EPB41L4B: variants seen among roughly 807,000 people sequenced by gnomAD.
EPB41L4B encodes the protein erythrocyte membrane protein band 4.1 like 4B.
In EPB41L4B, 30 loss-of-function variants were observed where a neutral mutation model predicts 112.5. That is an observed-to-expected ratio of 0.27 (90% CI 0.20 to 0.36). The LOEUF (loss-of-function observed/expected upper bound fraction) is 0.36, where lower values mean the gene tolerates loss of function less well. Ranked by LOEUF, EPB41L4B falls within the 10% of genes least tolerant of loss-of-function variation. EPB41L4B has a pLI of 1.00. For missense variants in EPB41L4B, 1,024 were observed against 1,133.3 expected, an observed-to-expected ratio of 0.90 and a Z score of 1.38; for synonymous variants, 408 against 439.7, an observed-to-expected ratio of 0.93 and a Z score of 0.90.
intron 1 of EPB41L4B, among the ~76,000 whole-genome samples, chr9:109,316,834 G>C (rs1013321726): frequency 2.0e-5 from 3 of 152,212 alleles, no homozygotes. Flanking sequence ...AAGCGCAGTG[G>C]CTCATGCCTG....
At chr9:109,273,273 G>T (rs1275806926) in intron 2 of EPB41L4B, among the ~76,000 whole-genome samples, 2 of 151,210 alleles carry the variant, frequency 1.3e-5, no homozygotes, top group South Asian at 4.2e-4. Context: ...TCGAGACAGA[G>T]TCTCGCTCTG....
intron 24 of EPB41L4B, among the ~76,000 whole-genome samples, chr9:109,178,440 A>G (rs1005985704): frequency 1.3e-5 from 2 of 151,370 alleles, no homozygotes; most frequent in Non-Finnish European, 2.9e-5. Context: ...GGAGGCCACA[A>G]TCTTAGCTCA....
intron 1 of EPB41L4B, among the ~76,000 whole-genome samples, chr9:109,311,276 AG>A (rs1453909752): frequency 6.6e-6 from 1 of 152,234 alleles, no homozygotes; most frequent in Non-Finnish European, 1.5e-5. Flanking sequence ...GAACAGGTAG[AG>A]CAAAGGAGAT....
chr9:109,267,573 GT>G (rs760752066), intron 3 of EPB41L4B, 22 bp from the exon 4 acceptor site: 6 of 1,498,650 alleles, frequency 4.0e-6, no homozygotes, highest in Non-Finnish European at 5.6e-6. Context: ...GAGATGGAAG[GT>G]TGAAGATGTT....
intron 15 of EPB41L4B, among the ~76,000 whole-genome samples, chr9:109,234,934 A>G (rs1298749995): frequency 2.6e-5 from 4 of 152,230 alleles, no homozygotes; most frequent in African/African-American, 7.2e-5. Flanking sequence ...CTTTCCACTC[A>G]GTCTCCTGAT....
chr9:109,222,879 T>C (rs1312080039), intron 15 of EPB41L4B, among the ~76,000 whole-genome samples: 1 of 152,220 alleles, frequency 6.6e-6, no homozygotes, highest in Non-Finnish European at 1.5e-5. Flanking sequence ...GCCCTGTTAG[T>C]AAATGCAGAG....
At chr9:109,211,632 TTG>T (rs138857071) in intron 17 of EPB41L4B, among the ~76,000 whole-genome samples, 3 of 150,982 alleles carry the variant, frequency 2.0e-5, no homozygotes, top group South Asian at 2.1e-4. Flanking sequence ...GTAATATATT[TTG>T]TGTGTGTGTG....
intron 1 of EPB41L4B, among the ~76,000 whole-genome samples, chr9:109,292,702 G>A (rs1013130617): frequency 2.0e-5 from 3 of 152,142 alleles, no homozygotes; most frequent in Non-Finnish European, 4.4e-5. Context: ...TTACAAACAT[G>A]GCTGCAATTC....
At chr9:109,183,503 T>C (rs534857762) in intron 23 of EPB41L4B, among the ~76,000 whole-genome samples, 42 of 152,188 alleles carry the variant, frequency 2.8e-4, no homozygotes, top group African/African-American at 9.4e-4. Context: ...CAGGTAGTGG[T>C]GGTGAAAAAG....
chr9:109,183,000 G>A (rs1055562142), intron 23 of EPB41L4B, among the ~76,000 whole-genome samples: 2 of 152,158 alleles, frequency 1.3e-5, no homozygotes, highest in Admixed American at 1.3e-4. Context: ...TGGACTGCAG[G>A]ACGGGCCTCA....
rs548155590 is a variant in EPB41L4B, at chr9:109,186,008, A to G, written c.2302-403T>C. The stretch of plus-strand genomic sequence containing the variant: ...AGGCCAAGCCAGAAAGATAGCCAGG[A>G]TGACTTAGTGATGTGAGCCATGGAG... On this transcript the variant is annotated intron_variant, in intron 22 of 25. Coordinates refer to ENST00000374566, the MANE Select transcript of EPB41L4B (RefSeq NM_019114.5). Among the ~76,000 whole-genome samples, 107 of 152,074 alleles carry G rather than the reference A, an allele frequency of 7.0e-4. 3 individuals carry two copies. In the South Asian group the frequency reaches 0.021, roughly 30 times the overall value.
At chr9:109,282,842 CA>C (rs1426987832) in intron 1 of EPB41L4B, among the ~76,000 whole-genome samples, 1 of 152,046 alleles carries the variant, frequency 6.6e-6, no homozygotes, top group Non-Finnish European at 1.5e-5. Context: ...AGGCGTGCGC[CA>C]CCAAGCCCGG....
At chr9:109,287,138 C>T (rs939165519) in intron 1 of EPB41L4B, among the ~76,000 whole-genome samples, 8 of 152,128 alleles carry the variant, frequency 5.3e-5, no homozygotes, top group Non-Finnish European at 8.8e-5. Context: ...AAGACTGGGG[C>T]AGGCAGGCAG....
In EPB41L4B at chr9:109,297,695, G is replaced by A. The variant is rs537879623; in HGVS notation, c.307-17774C>T. Among the ~76,000 whole-genome samples, 5 of 152,306 alleles carry A rather than the reference G, an allele frequency of 3.3e-5. No individual in the cohort carries two copies. The South Asian group carries it at 6.2e-4, about 19-fold the overall frequency. On this transcript the variant is annotated intron_variant, in intron 1 of 25. Transcript: ENST00000374566. ...GTGGCAGCCCCTGGATGCTTTGCACGGTACTCCCCTGGACTGAAACTGATG... is the reference window on the plus strand; with the variant it reads ...GTGGCAGCCCCTGGATGCTTTGCACAGTACTCCCCTGGACTGAAACTGATG...
chr9:109,174,617 C>G lies in EPB41L4B; in HGVS notation c.2640G>C (p.Glu880Asp). 6.2e-7 allele frequency: 1 copy of G among 1,613,922 alleles called. No individual in the cohort carries two copies. Among genetic ancestry groups the G allele is most frequent in the South Asian group, 1.1e-5 (1 of 91,046 alleles). The stretch of plus-strand genomic sequence containing the variant: ...CTCTCTCCAGTTCCTGCCGGAGTGT[C>G]TCTGCACTAAAAAAAAGTATGTGAC... ...RKPVSLAASA[E>D]TLRQELEREK... Residue 880 changes from glutamate (E) to aspartate (D), a missense_variant, in exon 26 of 26, where the codon GAG becomes GAC. By Grantham distance (45) the Glu-to-Asp change is conservative. Transcript: ENST00000374566.
At chr9:109,212,527 T>C (rs113579651) in intron 17 of EPB41L4B, among the ~76,000 whole-genome samples, 188 of 152,234 alleles carry the variant, frequency 1.2e-3, no homozygotes, top group African/African-American at 4.5e-3. Context: ...TGGGGTCCAT[T>C]AGTAATCAGA....
intron 6 of EPB41L4B, among the ~76,000 whole-genome samples, chr9:109,259,881 A>G (rs1396977631): frequency 6.6e-6 from 1 of 152,156 alleles, no homozygotes; most frequent in African/African-American, 2.4e-5. Flanking sequence ...ACAGGAGGAA[A>G]CACAACCCTT....
chr9:109,286,469 T>C (rs934296098), intron 1 of EPB41L4B, among the ~76,000 whole-genome samples: 9 of 152,196 alleles, frequency 5.9e-5, no homozygotes, highest in Admixed American at 5.2e-4. Flanking sequence ...TACCTAAGCA[T>C]AATTTTGTTG....
chr9:109,242,300 T>G (rs1834380786), intron 15 of EPB41L4B, among the ~76,000 whole-genome samples: 1 of 152,190 alleles, frequency 6.6e-6, no homozygotes, highest in African/African-American at 2.4e-5. Context: ...AGAATTTGCA[T>G]TAAACAAGCT....
Sources: gnomAD v4.1 joint callset for allele counts (sites outside exome capture counted in the v4.1 genomes callset) on GRCh38, gnomAD v4.1.1 for gene constraint, MANE v1.5 for transcripts, NCBI Gene and HGNC (gene_info 2026-07-23, HGNC 2026-07-21) for gene names.